IFNLR1: variants seen among roughly 807,000 people sequenced by gnomAD.
The protein encoded by IFNLR1 is interferon lambda receptor 1, also known as CRF2-12.
In IFNLR1, 28 loss-of-function variants were observed where a neutral mutation model predicts 52.5. The ratio of observed to expected loss-of-function variants is 0.53; its 90% confidence interval spans 0.40 to 0.73. The LOEUF (loss-of-function observed/expected upper bound fraction) is 0.73, where lower values mean the gene tolerates loss of function less well. Among genes scored for constraint, IFNLR1 ranks in the 30% least tolerant of loss-of-function variants. The pLI is 0.00. For synonymous variants in IFNLR1, 276 were observed against 274.9 expected (o/e 1.00, Z -0.04); for missense variants, 623 against 659.1 (o/e 0.95, Z 0.60).
chr1:24,180,862 A>G lies in IFNLR1; in HGVS notation c.59-8T>C, dbSNP rs1644683712. 1.2e-6 allele frequency: 2 copies of G among 1,611,890 alleles called. 1 individual carries two copies. The highest frequency in any genetic ancestry group is 3.3e-5 in the Admixed American group (2 of 59,888). On this transcript the variant is annotated splice_region_variant and splice_polypyrimidine_tract_variant and intron_variant, in intron 1 of 6. Coordinates refer to ENST00000327535, the MANE Select transcript of IFNLR1 (RefSeq NM_170743.4). Reference sequence around the variant, plus strand: ...GGGCCAGACGGGGCCTCCCTGGGGGAAAGAAAGGGGTCATGAAGCCTGGAG... The same window carrying G: ...GGGCCAGACGGGGCCTCCCTGGGGGGAAGAAAGGGGTCATGAAGCCTGGAG...
At position 24,156,876 on chromosome 1, in the gene IFNLR1, C is replaced by A. The variant is rs979843433; in HGVS notation, c.*254G>T. On this transcript the variant is annotated 3_prime_UTR_variant, in exon 7 of 7. Coordinates refer to ENST00000327535, the MANE Select transcript of IFNLR1 (RefSeq NM_170743.4). ...TAGGGACAATGGGGGTGATGACACC[C>A]CACCAACCTCTGACCTCAGCCCACC... 5.6e-6 allele frequency: 3 copies of A among 533,894 alleles called. No homozygotes were observed. Among genetic ancestry groups the A allele is most frequent in the Non-Finnish European group, 9.9e-6 (3 of 303,060 alleles). 33.1% of individuals were successfully genotyped at this position (533,894 alleles called of 1,614,324 possible). A position where few individuals can be genotyped will look rare whatever the true frequency, so the allele number is the denominator to read the frequency against.
rs577637913 is a variant in IFNLR1, at chr1:24,185,969, T to G, written c.58+1222A>C. Among the ~76,000 whole-genome samples the G allele has an allele frequency of 7.9e-5, 12 of 152,358 alleles. No homozygotes were observed. The South Asian group carries it at 2.5e-3, about 32-fold the overall frequency. ...CTTGCCTGAGGCTACACAGTCAGTT[T>G]GTGTGGGAGCCAGTATTTGAACTTA... On this transcript the variant is annotated intron_variant, in intron 1 of 6. Coordinates refer to ENST00000327535, the MANE Select transcript of IFNLR1 (RefSeq NM_170743.4).
At chr1:24,171,899 A>G (rs1644583223) in intron 2 of IFNLR1, among the ~76,000 whole-genome samples, 1 of 152,122 alleles carries the variant, frequency 6.6e-6, no homozygotes, top group Non-Finnish European at 1.5e-5. Context: ...CAGGTGATCC[A>G]TCTGCCTTGG....
intron 4 of IFNLR1, 103 bp from the exon 5 acceptor site, chr1:24,159,736 T>TTG (rs1644422355): frequency 3.2e-6 from 2 of 630,780 alleles, no homozygotes; most frequent in African/African-American, 2.1e-5. Flanking sequence ...GTTTTTTTTT[T>TTG]GTTTTTTTTT....
rs149079772 is a variant in IFNLR1 at position 24,160,831 on chromosome 1, G to A, written c.510+711C>T. Among the ~76,000 whole-genome samples, 237 of 151,942 alleles carry A rather than the reference G, an allele frequency of 1.6e-3. 1 individual carries two copies. Among genetic ancestry groups the A allele is most frequent in the African/African-American group, 5.5e-3 (230 of 41,454 alleles). Reference sequence around the variant, plus strand: ...GTGGCCTTGCTTCCTGGGCTCGAGCGATCCTCCTGCCTCAGCATCCCAAGC... The same window carrying A: ...GTGGCCTTGCTTCCTGGGCTCGAGCAATCCTCCTGCCTCAGCATCCCAAGC... On this transcript the variant is annotated intron_variant, in intron 4 of 6. Transcript: ENST00000327535.
chr1:24,169,087 A>AT (rs1448381963), intron 3 of IFNLR1, among the ~76,000 whole-genome samples: 2 of 126,444 alleles, frequency 1.6e-5, no homozygotes, highest in Non-Finnish European at 3.5e-5. Flanking sequence ...GAAGCTGAAC[A>AT]TAAAAAATAG....
Position 24,187,204 on chromosome 1 carries a change from C to A in IFNLR1, c.45G>T (p.Leu15=), listed in dbSNP as rs1336171963. 1 of 1,336,942 alleles carries A rather than the reference C, an allele frequency of 7.5e-7. No homozygotes were observed. The highest frequency in any genetic ancestry group is 3.6e-5 in the Admixed American group (1 of 27,644). The allele number at this position is 1,336,942 out of a possible 1,614,324, so 82.8% of individuals were successfully genotyped here. Residue 15 remains leucine (L), a synonymous_variant, in exon 1 of 7, where the codon CTG becomes CTT. Coordinates refer to ENST00000327535, the MANE Select transcript of IFNLR1 (RefSeq NM_170743.4). Reference sequence around the variant, plus strand: ...CCGCGCCCTTACCTGGAGCGGCCTGCAGCAGGCACAGGAGCAGGGGGCCCC... The same window carrying A: ...CCGCGCCCTTACCTGGAGCGGCCTGAAGCAGGCACAGGAGCAGGGGGCCCC... ...ERWGPLLLCL[L]QAAPGRPRLA...
In IFNLR1 at chr1:24,159,408, C is replaced by A. The variant is rs145454043; in HGVS notation, c.670+66G>T. ...CTATCTCTAGGCTCATGTTCTTAAC[C>A]ACTGTGTCACGAAGCTCCCAAGGCC... On this transcript the variant is annotated intron_variant, in intron 5 of 6. Transcript: ENST00000327535. 9.1e-4 allele frequency: 1,335 copies of A among 1,469,752 alleles called. 17 individuals are homozygous for A. The South Asian group carries it at 9.8e-3, about 11-fold the overall frequency. The allele number at this position is 1,469,752 out of a possible 1,614,324, so 91.0% of individuals were successfully genotyped here.
rs141989044 is a variant in IFNLR1, at chr1:24,161,603, C to G, written c.449G>C (p.Cys150Ser). Residue 150 changes from cysteine to serine, a missense_variant, in exon 4 of 7, where the codon TGC (cysteine) becomes TCC (serine). Physicochemically the swap from Cys to Ser is moderately radical, Grantham distance 112. Transcript: ENST00000327535. ...ATACTTCAGATCCAGTGGGGGCATG[C>G]AGGGGGGCAGCTGGTACGTGGCATT... ...SANATYQLPP[C>S]MPPLDLKYEV... 189 of 1,554,300 alleles carry G rather than the reference C, an allele frequency of 1.2e-4. No individual in the cohort carries two copies. The African/African-American group carries it at 1.4e-3, about 11-fold the overall frequency.
intron 2 of IFNLR1, among the ~76,000 whole-genome samples, chr1:24,177,761 C>G (rs554713787): frequency 1.3e-5 from 2 of 152,026 alleles, no homozygotes; most frequent in Non-Finnish European, 2.9e-5. Flanking sequence ...ACCCTTTGGG[C>G]GAAAAGAGCA....
intron 2 of IFNLR1, 49 bp downstream of exon 2, chr1:24,180,678 CCCCA>C: frequency 2.7e-6 from 3 of 1,111,068 alleles, no homozygotes; most frequent in Non-Finnish European, 3.9e-6. Context: ...CCCCTCCAGC[CCCCA>C]CCCACCCCCT....
At chr1:24,180,370 C>G (rs969399825) in intron 2 of IFNLR1, among the ~76,000 whole-genome samples, 1 of 152,018 alleles carries the variant, frequency 6.6e-6, no homozygotes, top group African/African-American at 2.4e-5. Flanking sequence ...AGCTCCTCTG[C>G]TGTGTACCTA....
chr1:24,170,891 G>A (rs1644572097), intron 2 of IFNLR1, among the ~76,000 whole-genome samples: 2 of 152,212 alleles, frequency 1.3e-5, no homozygotes, highest in African/African-American at 4.8e-5. Context: ...AGAAGGCTGA[G>A]ATGGGGGCTG....
chr1:24,174,653 A>C (rs1644614376), intron 2 of IFNLR1, among the ~76,000 whole-genome samples: 1 of 152,216 alleles, frequency 6.6e-6, no homozygotes, highest in Non-Finnish European at 1.5e-5. Flanking sequence ...CCATCTCAAA[A>C]ATGATAATAT....
chr1:24,158,248 G>T (rs1181051745), intron 6 of IFNLR1, among the ~76,000 whole-genome samples: 6 of 152,220 alleles, frequency 3.9e-5, no homozygotes, highest in Admixed American at 1.3e-4. Flanking sequence ...CCTGCCACAT[G>T]CAGGGGCAAT....
rs1486482816 is a variant in IFNLR1 at position 24,170,515 on chromosome 1, C to T, written c.183-914G>A. Among the ~76,000 whole-genome samples, 3 of 152,142 alleles carry T rather than the reference C, an allele frequency of 2.0e-5. No homozygotes were observed. The East Asian group carries it at 5.8e-4, about 29-fold the overall frequency. On this transcript the variant is annotated intron_variant, in intron 2 of 6. Coordinates refer to ENST00000327535, the MANE Select transcript of IFNLR1 (RefSeq NM_170743.4). Reference sequence around the variant, plus strand: ...AGATGGGATTACAGGCCAGCGTAACCACACCTGGCTAATTTTGTATTTTTA... The same window carrying T: ...AGATGGGATTACAGGCCAGCGTAACTACACCTGGCTAATTTTGTATTTTTA...
At chr1:24,164,594 C>T (rs1644498875) in intron 3 of IFNLR1, among the ~76,000 whole-genome samples, 1 of 152,164 alleles carries the variant, frequency 6.6e-6, no homozygotes, top group Admixed American at 6.5e-5. Flanking sequence ...TGCTGTTCAG[C>T]TTCCTAGAAG....
At chr1:24,181,365 T>C (rs10903046) in intron 1 of IFNLR1, among the ~76,000 whole-genome samples, 63,139 of 152,060 alleles carry the variant, frequency 0.42, 14,315 homozygotes, top group African/African-American at 0.6. Flanking sequence ...ACTCAGATGG[T>C]CCAAGCCAGT....
chr1:24,156,351 C>T lies in IFNLR1; in HGVS notation c.*779G>A, dbSNP rs1644378432. The T allele has an allele frequency of 6.6e-6, 1 of 152,378 alleles. No homozygotes were observed. Among genetic ancestry groups the T allele is most frequent in the Admixed American group, 6.5e-5 (1 of 15,278 alleles). The allele number at this position is 152,378 out of a possible 1,614,324, so 9.4% of individuals were successfully genotyped here. On this transcript the variant is annotated 3_prime_UTR_variant, in exon 7 of 7. Transcript: ENST00000327535. ...TGGATAGATGGAGAATTCTACCGGC[C>T]ACCACGTAGAGAGCACCCAGGACAC...
Sources: gnomAD v4.1 joint callset for allele counts (sites outside exome capture counted in the v4.1 genomes callset) on GRCh38, gnomAD v4.1.1 for gene constraint, MANE v1.5 for transcripts, NCBI Gene and HGNC (gene_info 2026-07-23, HGNC 2026-07-21) for gene names.